Variants in STT3B observed in about 807,000 individuals in gnomAD.
STT3B encodes the protein dolichyl-diphosphooligosaccharide--protein glycosyltransferase subunit STT3B.
In STT3B, 29 loss-of-function variants were observed where a neutral mutation model predicts 96.8. The observed-to-expected ratio is 0.30, with a 90% CI of 0.22 to 0.41. The LOEUF (loss-of-function observed/expected upper bound fraction) is 0.41. Ranked by LOEUF, STT3B falls within the 10% of genes least tolerant of loss-of-function variation. The probability of loss-of-function intolerance (pLI) is 1.00; values close to 1 mark genes in which losing one functional copy is unlikely to be tolerated. For missense variants in STT3B, 640 were observed against 1,022.3 expected (o/e 0.63, Z 5.10); for synonymous variants, 367 against 360.0 (o/e 1.02, Z -0.22).
chr3:31,541,298 C>T (rs1697258199), intron 1 of STT3B, among the ~76,000 whole-genome samples: 1 of 152,108 alleles, frequency 6.6e-6, no homozygotes, highest in South Asian at 2.1e-4. Flanking sequence ...CTTAGACGAC[C>T]TGGTGTGTTT....
In STT3B at chr3:31,533,308, C is replaced by A; in HGVS notation, c.310C>A (p.Pro104Thr). Residue 104 changes from proline to threonine, a missense_variant, in exon 1 of 16, where the codon CCG becomes ACG. Pro to Thr is a conservative substitution (Grantham distance 38, BLOSUM62 -1). Coordinates refer to ENST00000295770, the MANE Select transcript of STT3B (RefSeq NM_178862.3). ...CGAAAGCATCATCCACGAGTTCGAC[C>A]CGTGGTAAGTGCCTCGCCGCCCCTC... ...RFESIIHEFD[P>T]WFNYRSTHHL... 1 of 1,532,246 alleles carries A rather than the reference C, an allele frequency of 6.5e-7. No individual in the cohort carries two copies. Among genetic ancestry groups the A allele is most frequent in the Admixed American group, 2.0e-5 (1 of 51,266 alleles). 94.9% of individuals were successfully genotyped at this position (1,532,246 alleles called of 1,614,324 possible).
intron 3 of STT3B, among the ~76,000 whole-genome samples, chr3:31,580,590 A>G (rs1698361892): frequency 1.3e-5 from 2 of 152,130 alleles, no homozygotes; most frequent in African/African-American, 4.8e-5. Flanking sequence ...GTAATTTTCC[A>G]GTGATAGAAA....
intron 1 of STT3B, among the ~76,000 whole-genome samples, chr3:31,554,829 C>T (rs1282822022): frequency 6.6e-6 from 1 of 152,066 alleles, no homozygotes; most frequent in African/African-American, 2.4e-5. Flanking sequence ...TTGCCAGCTG[C>T]TGGTTTTGCC....
At position 31,549,043 on chromosome 3, in the gene STT3B, AT is replaced by A. The variant is rs201598117; in HGVS notation, c.314+15740del. Among the ~76,000 whole-genome samples the A allele has an allele frequency of 1.3e-3, 200 of 151,584 alleles. 2 individuals are homozygous for A. In the Middle Eastern group the frequency reaches 0.014, roughly 10 times the overall value. The stretch of plus-strand genomic sequence containing the variant: ...ATTTATGAATCACTGTAAGATTTTA[AT>A]TTTTTTTTAATTAATGTTCCATGCA... On this transcript the variant is annotated intron_variant, in intron 1 of 15. Coordinates refer to ENST00000295770, the MANE Select transcript of STT3B (RefSeq NM_178862.3).
At chr3:31,632,671 T>G (rs772583150) in intron 14 of STT3B, among the ~76,000 whole-genome samples, 146 of 16,404 alleles carry the variant, frequency 8.9e-3, no homozygotes, top group Middle Eastern at 0.053. Context: ...TTTGGTGGGT[T>G]TTTTTTTTTT....
chr3:31,603,175 A>G (rs895998383), intron 5 of STT3B, among the ~76,000 whole-genome samples: 7 of 152,186 alleles, frequency 4.6e-5, no homozygotes, highest in Admixed American at 1.3e-4. Flanking sequence ...GTGTTGTTCT[A>G]AGTGTTGAAT....
intron 3 of STT3B, among the ~76,000 whole-genome samples, chr3:31,594,620 G>A (rs1331483757): frequency 6.6e-6 from 1 of 151,956 alleles, no homozygotes; most frequent in African/African-American, 2.4e-5. Flanking sequence ...AGTAGAGACG[G>A]GGTTTCATCA....
intron 3 of STT3B, among the ~76,000 whole-genome samples, chr3:31,593,801 A>G (rs1415774139): frequency 6.6e-6 from 1 of 151,324 alleles, no homozygotes; most frequent in Non-Finnish European, 1.5e-5. Flanking sequence ...TTTTTCTTTA[A>G]TTTTCTTAAT....
chr3:31,572,607 A>G (rs1375764541), intron 1 of STT3B, among the ~76,000 whole-genome samples: 1 of 152,210 alleles, frequency 6.6e-6, no homozygotes, highest in Non-Finnish European at 1.5e-5. Flanking sequence ...CACGCCAGTA[A>G]TCCCAACACT....
Position 31,610,955 on chromosome 3 carries a change from A to G in STT3B, c.878-4150A>G, listed in dbSNP as rs936557736. On this transcript the variant is annotated intron_variant, in intron 5 of 15. Coordinates refer to ENST00000295770, the MANE Select transcript of STT3B (RefSeq NM_178862.3). ...ATAAATGATTTACAACACTATTGGTATCATGTATTTCCTTAGAGCTCACCA... is the reference window on the plus strand; with the variant it reads ...ATAAATGATTTACAACACTATTGGTGTCATGTATTTCCTTAGAGCTCACCA... Among the ~76,000 whole-genome samples, 5 of 152,342 alleles carry G rather than the reference A, an allele frequency of 3.3e-5. 1 individual carries two copies. The highest frequency in any genetic ancestry group is 4.8e-5 in the African/African-American group (2 of 41,582).
chr3:31,629,372 T>G lies in STT3B; in HGVS notation c.2148T>G (p.Leu716=), dbSNP rs759276512. The G allele has an allele frequency of 6.2e-7, 1 of 1,609,122 alleles. No individual in the cohort carries two copies. ...GATCCCCTACTTTGTTGAATTGCCTTATGTATAAAATGTCATACTACAGAT... is the reference window on the plus strand; with the variant it reads ...GATCCCCTACTTTGTTGAATTGCCTGATGTATAAAATGTCATACTACAGAT... ...KAGSPTLLNC[L]MYKMSYYRFG... The change falls in exon 14 of 16, where the codon CTT becomes CTG. Residue 716 remains leucine (L), a synonymous_variant. Transcript: ENST00000295770.
chr3:31,611,181 C>G (rs547159804), intron 5 of STT3B, among the ~76,000 whole-genome samples: 1 of 152,106 alleles, frequency 6.6e-6, no homozygotes, highest in African/African-American at 2.4e-5. Context: ...CAGTACCAGA[C>G]ATTAATTACC....
intron 4 of STT3B, among the ~76,000 whole-genome samples, chr3:31,598,398 G>C (rs566617772): frequency 6.0e-4 from 90 of 150,412 alleles, no homozygotes; most frequent in Non-Finnish European, 9.1e-4. Context: ...AGTGAACTTA[G>C]AACAGAGAAA....
chr3:31,568,064 T>A (rs1698047612), intron 1 of STT3B, among the ~76,000 whole-genome samples: 1 of 152,048 alleles, frequency 6.6e-6, no homozygotes, highest in African/African-American at 2.4e-5. Flanking sequence ...ATGAGTTCAA[T>A]TGTGTTAATT....
rs1309533578 is a variant in STT3B, at chr3:31,590,654, T to C, written c.712-6144T>C. Among the ~76,000 whole-genome samples the C allele has an allele frequency of 3.3e-5, 5 of 152,228 alleles. No individual in the cohort carries two copies. In the East Asian group the frequency reaches 9.6e-4, roughly 29 times the overall value. ...CCATACTTTGTATAATTTGTCTTTTTAAGTATATGGAGACTTGTTTTATGG... is the reference window on the plus strand; with the variant it reads ...CCATACTTTGTATAATTTGTCTTTTCAAGTATATGGAGACTTGTTTTATGG... On this transcript the variant is annotated intron_variant, in intron 3 of 15. Transcript: ENST00000295770.
chr3:31,595,113 C>G lies in STT3B; in HGVS notation c.712-1685C>G, dbSNP rs371263756. ...CTAAACCCAGCAAAGTCTATCTGTT[C>G]AGATTCTTCTTGGCCTCTCTGTGCA... On this transcript the variant is annotated intron_variant, in intron 3 of 15. Transcript: ENST00000295770. Among the ~76,000 whole-genome samples the G allele has an allele frequency of 1.7e-4, 26 of 152,296 alleles. No individual in the cohort carries two copies. In the East Asian group the frequency reaches 3.1e-3, roughly 18 times the overall value.
chr3:31,559,434 CT>C (rs1025030695), intron 1 of STT3B, among the ~76,000 whole-genome samples: 27 of 149,780 alleles, frequency 1.8e-4, no homozygotes, highest in Non-Finnish European at 3.0e-5. Flanking sequence ...TTTTTATTTT[CT>C]CCTTTAAAAT....
At position 31,616,954 on chromosome 3, in the gene STT3B, T is replaced by C; in HGVS notation, c.1002T>C (p.Tyr334=). 1.9e-6 allele frequency: 3 copies of C among 1,611,226 alleles called. No homozygotes were observed. The highest frequency in any genetic ancestry group is 1.7e-6 in the Non-Finnish European group (2 of 1,177,844). The stretch of plus-strand genomic sequence containing the variant: ...GTGTCTTTGCATTGCTGCAAGCTTA[T>C]GCTTTCTTGCAGTATCTGAGAGACC... The part of the protein sequence containing the change: ...AAGVFALLQA[Y]AFLQYLRDRL... Residue 334 remains tyrosine, a synonymous_variant, in exon 7 of 16, where the codon TAT becomes TAC. Transcript: ENST00000295770.
intron 2 of STT3B, among the ~76,000 whole-genome samples, 156 bp from the exon 3 acceptor site, chr3:31,579,653 G>T (rs946162665): frequency 2.0e-5 from 3 of 150,474 alleles, no homozygotes; most frequent in African/African-American, 4.9e-5. Flanking sequence ...AAAGGTGTGG[G>T]TTTTTTTTTG....
Sources: gnomAD v4.1 joint callset for allele counts (sites outside exome capture counted in the v4.1 genomes callset) on GRCh38, gnomAD v4.1.1 for gene constraint, MANE v1.5 for transcripts, NCBI Gene and HGNC (gene_info 2026-07-23, HGNC 2026-07-21) for gene names.